TRAPPC9: variants seen among roughly 807,000 people sequenced by gnomAD.
TRAPPC9 encodes the protein IKK2 binding protein.
A neutral mutation model predicts 124.0 loss-of-function variants in TRAPPC9; 83 were observed. The ratio of observed to expected loss-of-function variants is 0.67; its 90% CI spans 0.56 to 0.80. The LOEUF (loss-of-function observed/expected upper bound fraction) is 0.80. Among genes scored for constraint, TRAPPC9 ranks in the 30% least tolerant of loss-of-function variants. TRAPPC9 has a pLI of 0.00. For synonymous variants in TRAPPC9, 638 were observed against 617.5 expected, an observed-to-expected ratio of 1.03 and a Z score of -0.49; for missense variants, 1,302 against 1,508.3, an observed-to-expected ratio of 0.86 and a Z score of 2.27.
intron 21 of TRAPPC9, among the ~76,000 whole-genome samples, chr8:139,751,554 CTTAG>C (rs1410491990): frequency 1.4e-4 from 22 of 152,124 alleles, no homozygotes; most frequent in Non-Finnish European, 2.6e-4. Flanking sequence ...TGGTGAGGTT[CTTAG>C]TTAGGGTGAC....
chr8:139,740,312 C>G (rs907120434), intron 21 of TRAPPC9, among the ~76,000 whole-genome samples: 1 of 152,240 alleles, frequency 6.6e-6, no homozygotes, highest in Non-Finnish European at 1.5e-5. Context: ...TGCTATAGCA[C>G]GTCCAGGCTC....
chr8:139,980,356 G>A (rs924241056), intron 19 of TRAPPC9, among the ~76,000 whole-genome samples: 5 of 152,170 alleles, frequency 3.3e-5, no homozygotes, highest in Non-Finnish European at 7.4e-5. Flanking sequence ...CAATGCCACT[G>A]AGAATCCAGG....
intron 20 of TRAPPC9, among the ~76,000 whole-genome samples, chr8:139,888,999 C>T (rs1022815253): frequency 2.6e-5 from 4 of 152,176 alleles, no homozygotes; most frequent in South Asian, 2.1e-4. Flanking sequence ...TGCAAACCCA[C>T]GTTCACTGCA....
intron 19 of TRAPPC9, among the ~76,000 whole-genome samples, chr8:139,961,900 G>C (rs1423367421): frequency 8.1e-6 from 1 of 124,090 alleles, no homozygotes; most frequent in Admixed American, 8.5e-5. Context: ...ACAGGGCAGA[G>C]AGATGACGGG....
chr8:139,773,842 A>G (rs1369893541), intron 21 of TRAPPC9, among the ~76,000 whole-genome samples: 2 of 152,234 alleles, frequency 1.3e-5, no homozygotes, highest in Non-Finnish European at 2.9e-5. Flanking sequence ...CCCTTCTAGA[A>G]AGAAAATTAA....
intron 11 of TRAPPC9, among the ~76,000 whole-genome samples, chr8:140,295,751 C>T (rs554286005): frequency 2.0e-5 from 3 of 152,254 alleles, no homozygotes; most frequent in Non-Finnish European, 4.4e-5. Context: ...AATTATACAC[C>T]GAGGTTCATT....
intron 19 of TRAPPC9, among the ~76,000 whole-genome samples, chr8:139,971,752 C>CACACACACACACACACACAT (rs1246452854): frequency 6.8e-6 from 1 of 146,842 alleles, no homozygotes; most frequent in Non-Finnish European, 1.5e-5. Flanking sequence ...TATATATACA[C>CACACACACACACACACACAT]ACACACACAC....
At chr8:140,340,911 T>C (rs1172474581) in intron 9 of TRAPPC9, among the ~76,000 whole-genome samples, 3 of 152,182 alleles carry the variant, frequency 2.0e-5, no homozygotes, top group Non-Finnish European at 4.4e-5. Context: ...CAAATCCACG[T>C]AACCAACAAC....
At position 139,873,195 on chromosome 8, in the gene TRAPPC9, C is replaced by T. The variant is rs181049362; in HGVS notation, c.3055+12684G>A. On this transcript the variant is annotated intron_variant, in intron 21 of 22. Transcript: ENST00000438773. The stretch of plus-strand genomic sequence containing the variant: ...CGAATGAAAGTCTAGAATAGTGCTT[C>T]AAGACCAGTCTTGACGTTACTGCTG... Among the ~76,000 whole-genome samples, 3 of 152,196 alleles carry T rather than the reference C, an allele frequency of 2.0e-5. No homozygotes were observed. The East Asian group carries it at 5.8e-4, about 29-fold the overall frequency.
chr8:139,841,611 G>A (rs1563855520), intron 21 of TRAPPC9, among the ~76,000 whole-genome samples: 11 of 152,224 alleles, frequency 7.2e-5, no homozygotes, highest in Admixed American at 7.2e-4. Flanking sequence ...GGGTGGTGCT[G>A]CTGACAGCCT....
intron 17 of TRAPPC9, among the ~76,000 whole-genome samples, chr8:140,158,325 A>G (rs2061689504): frequency 6.6e-6 from 1 of 152,238 alleles, no homozygotes; most frequent in Non-Finnish European, 1.5e-5. Flanking sequence ...TATAATCACA[A>G]GGGTCCTTAT....
At chr8:139,835,298 G>A (rs117923091) in intron 21 of TRAPPC9, among the ~76,000 whole-genome samples, 3 of 152,200 alleles carry the variant, frequency 2.0e-5, no homozygotes, top group African/African-American at 7.2e-5. Flanking sequence ...TACATACTGC[G>A]TTGTGCACAC....
In TRAPPC9 at chr8:139,975,927, C is replaced by CTTTT. The variant is rs528679775; in HGVS notation, c.2810+12795_2810+12798dup. Among the ~76,000 whole-genome samples, 168 of 95,564 alleles carry CTTTT rather than the reference C, an allele frequency of 1.8e-3. 2 individuals carry two copies. Among genetic ancestry groups the CTTTT allele is most frequent in the South Asian group, 2.4e-3 (6 of 2,548 alleles). 62.7% of individuals were successfully genotyped at this position (95,564 alleles called of 152,430 possible). On this transcript the variant is annotated intron_variant, in intron 19 of 22. Transcript: ENST00000438773. ...AGCCATCCAATGGAGAAAGGACAGT[C>CTTTT]TTTTTTTTTTTTTTTTTTTTTTTGA... is the stretch of plus-strand genomic sequence containing the variant.
intron 17 of TRAPPC9, among the ~76,000 whole-genome samples, chr8:140,088,204 T>C (rs1035652280): frequency 6.6e-6 from 1 of 152,196 alleles, no homozygotes; most frequent in Non-Finnish European, 1.5e-5. Context: ...CTCATTAGAA[T>C]ATAAGCTCCG....
At chr8:139,936,292 C>T (rs574604861) in intron 19 of TRAPPC9, among the ~76,000 whole-genome samples, 6 of 152,356 alleles carry the variant, frequency 3.9e-5, no homozygotes, top group African/African-American at 1.2e-4. Flanking sequence ...AAGTGATTTC[C>T]GAGGCAGGCA....
At chr8:140,330,636 A>G (rs2066870894) in intron 9 of TRAPPC9, among the ~76,000 whole-genome samples, 1 of 152,218 alleles carries the variant, frequency 6.6e-6, no homozygotes, top group Admixed American at 6.5e-5. Context: ...CACTATAAAA[A>G]CATCTATTTC....
chr8:140,174,274 T>C (rs914578582), intron 17 of TRAPPC9, among the ~76,000 whole-genome samples: 15 of 152,106 alleles, frequency 9.9e-5, no homozygotes, highest in African/African-American at 2.9e-4. Flanking sequence ...TAATGGACAC[T>C]GGGCTTAATA....
At chr8:140,064,389 A>G (rs1842795372) in intron 17 of TRAPPC9, among the ~76,000 whole-genome samples, 1 of 152,194 alleles carries the variant, frequency 6.6e-6, no homozygotes, top group Non-Finnish European at 1.5e-5. Context: ...AAAGCACAGG[A>G]GCGACAAGGA....
intron 20 of TRAPPC9, among the ~76,000 whole-genome samples, chr8:139,887,908 G>C (rs1325821898): frequency 6.6e-6 from 1 of 152,174 alleles, no homozygotes; most frequent in Non-Finnish European, 1.5e-5. Context: ...TAGGAGTGCA[G>C]AGGCCACGCC....
Sources: gnomAD v4.1 joint callset for allele counts (sites outside exome capture counted in the v4.1 genomes callset) on GRCh38, gnomAD v4.1.1 for gene constraint, MANE v1.5 for transcripts, NCBI Gene and HGNC (gene_info 2026-07-23, HGNC 2026-07-21) for gene names.